The following GRIN2B variants were observed in gnomAD, a reference collection of about 807,000 sequenced individuals.
GRIN2B encodes the protein glutamate receptor ionotropic, NMDA 2B.
A neutral mutation model predicts 114.5 loss-of-function variants in GRIN2B; 5 were observed. That is an observed-to-expected ratio of 0.04 (90% CI 0.02 to 0.09). GRIN2B has a LOEUF of 0.09. Among genes scored for constraint, GRIN2B ranks in the 10% least tolerant of loss-of-function variants. The probability of loss-of-function intolerance (pLI) is 1.00; values close to 1 mark genes in which losing one functional copy is unlikely to be tolerated. For missense variants in GRIN2B, 1,108 were observed against 1,943.5 expected (o/e 0.57, Z 8.08); for synonymous variants, 787 against 745.1 (o/e 1.06, Z -0.92).
At chr12:13,887,621 T>TA (rs1191966160) in intron 2 of GRIN2B, among the ~76,000 whole-genome samples, 1 of 152,266 alleles carries the variant, frequency 6.6e-6, no homozygotes, top group African/African-American at 2.4e-5. Context: ...GACCTGCTTT[T>TA]AGAATGCTTT....
At chr12:13,929,815 C>T (rs219880) in intron 2 of GRIN2B, among the ~76,000 whole-genome samples, 143,631 of 152,314 alleles carry the variant, frequency 0.94, 67,933 homozygotes, top group East Asian at 1. Context: ...CCAGTAACAC[C>T]GGGTTACTGT....
At chr12:13,671,583 C>T (rs1407360574) in intron 5 of GRIN2B, among the ~76,000 whole-genome samples, 1 of 152,148 alleles carries the variant, frequency 6.6e-6, no homozygotes, top group Non-Finnish European at 1.5e-5. Context: ...GGGAGTTGGG[C>T]CTCCCTGACA....
At chr12:13,688,374 G>A (rs1950188657) in intron 4 of GRIN2B, among the ~76,000 whole-genome samples, 1 of 152,166 alleles carries the variant, frequency 6.6e-6, no homozygotes, top group East Asian at 1.9e-4. Flanking sequence ...CTACAGGAAA[G>A]TCAACTAAAC....
At chr12:13,774,320 A>G (rs749105088) in intron 3 of GRIN2B, among the ~76,000 whole-genome samples, 2 of 152,224 alleles carry the variant, frequency 1.3e-5, no homozygotes, top group Non-Finnish European at 1.5e-5. Flanking sequence ...AAAAAGTGAA[A>G]AAAATAGAAG....
intron 4 of GRIN2B, among the ~76,000 whole-genome samples, chr12:13,750,149 A>G (rs1048699566): frequency 6.6e-6 from 1 of 152,020 alleles, no homozygotes; most frequent in African/African-American, 2.4e-5. Context: ...TCTCTCTCTC[A>G]GTCTCTCTGC....
intron 2 of GRIN2B, among the ~76,000 whole-genome samples, chr12:13,889,155 A>G (rs764280786): frequency 3.9e-5 from 6 of 152,120 alleles, no homozygotes; most frequent in Non-Finnish European, 7.4e-5. Context: ...CTGAGACACA[A>G]ACATATACAT....
chr12:13,563,526 C>T lies in GRIN2B; in HGVS notation c.3712G>A (p.Ala1238Thr). Residue 1238 changes from alanine (A) to threonine (T), a missense_variant, in exon 14 of 14, where the codon GCG becomes ACG. Around this residue, in one of 19 missense-constraint regions of GRIN2B, gnomAD observed 478 missense variants for 506.0 expected, o/e 0.94. Transcript: ENST00000609686. ...TTGCAAGCCTCACACCGGATGCACGCCTGCCTGCCCGAGTTCTGACCCGTC... is the reference window on the plus strand; with the variant it reads ...TTGCAAGCCTCACACCGGATGCACGTCTGCCTGCCCGAGTTCTGACCCGTC... Reference protein sequence around the residue: ...TVTGQNSGRQACIRCEACKKA... With the variant: ...TVTGQNSGRQTCIRCEACKKA... 1 of 1,614,156 alleles carries T rather than the reference C, an allele frequency of 6.2e-7. No individual in the cohort carries two copies. Among genetic ancestry groups the T allele is most frequent in the African/African-American group, 1.3e-5 (1 of 75,042 alleles).
At chr12:13,652,558 T>C (rs1359718798) in intron 5 of GRIN2B, among the ~76,000 whole-genome samples, 1 of 151,906 alleles carries the variant, frequency 6.6e-6, no homozygotes, top group Non-Finnish European at 1.5e-5. Flanking sequence ...GAGGAAGGTA[T>C]GGTAGATTCA....
intron 3 of GRIN2B, among the ~76,000 whole-genome samples, chr12:13,777,791 G>T: frequency 6.6e-6 from 1 of 152,168 alleles, no homozygotes; most frequent in East Asian, 1.9e-4. Context: ...ACAAGCTACA[G>T]GTGCTCCTCC....
At chr12:13,946,207 A>C (rs898775107) in intron 2 of GRIN2B, among the ~76,000 whole-genome samples, 1 of 152,162 alleles carries the variant, frequency 6.6e-6, no homozygotes, top group Non-Finnish European at 1.5e-5. Context: ...TTTTAAGCTG[A>C]TACCTAATTT....
chr12:13,658,271 G>T (rs1409504139), intron 5 of GRIN2B, among the ~76,000 whole-genome samples: 1 of 151,526 alleles, frequency 6.6e-6, no homozygotes, highest in Non-Finnish European at 1.5e-5. Context: ...GGACTAAAAT[G>T]ATATAAATCA....
chr12:13,928,832 AAAAAGT>A (rs1182917727), intron 2 of GRIN2B, among the ~76,000 whole-genome samples: 2 of 152,264 alleles, frequency 1.3e-5, no homozygotes, highest in Admixed American at 1.3e-4. Context: ...AGGAATAGTT[AAAAAGT>A]AGTCAGTCAC....
intron 2 of GRIN2B, among the ~76,000 whole-genome samples, chr12:13,907,918 T>G (rs1045727893): frequency 6.6e-6 from 1 of 152,176 alleles, no homozygotes; most frequent in African/African-American, 2.4e-5. Context: ...GAATGGCATT[T>G]TACTTACTAC....
At chr12:13,575,574 G>C (rs1434730172) in intron 10 of GRIN2B, among the ~76,000 whole-genome samples, 2 of 152,046 alleles carry the variant, frequency 1.3e-5, no homozygotes, top group African/African-American at 4.8e-5. Flanking sequence ...TGTGAGGATT[G>C]CTTGAGCCCA....
At chr12:13,629,801 T>C (rs1306050922) in intron 5 of GRIN2B, among the ~76,000 whole-genome samples, 1 of 152,174 alleles carries the variant, frequency 6.6e-6, no homozygotes, top group Non-Finnish European at 1.5e-5. Context: ...TCTGAATGTC[T>C]TTACTCATGC....
chr12:13,667,442 CA>C (rs1467909026), intron 5 of GRIN2B, among the ~76,000 whole-genome samples: 3 of 151,386 alleles, frequency 2.0e-5, no homozygotes, highest in East Asian at 1.9e-4. Flanking sequence ...ACATTGGATA[CA>C]AAAAAAAGGG....
chr12:13,808,752 A>AATAT (rs10548365), intron 3 of GRIN2B, among the ~76,000 whole-genome samples: 9 of 109,898 alleles, frequency 8.2e-5, no homozygotes, highest in South Asian at 3.0e-4. Flanking sequence ...ATAAAAAAAA[A>AATAT]ATATATATAT....
chr12:13,700,607 A>G (rs966795295), intron 4 of GRIN2B, among the ~76,000 whole-genome samples: 1 of 152,150 alleles, frequency 6.6e-6, no homozygotes, highest in Non-Finnish European at 1.5e-5. Flanking sequence ...AAGAGAATTG[A>G]GTCCTGGTGA....
rs1286569952 is a variant in GRIN2B at position 13,541,375 on chromosome 12, T to C, written c.*21408A>G. 1 of 152,112 alleles carries C rather than the reference T, an allele frequency of 6.6e-6. No individual in the cohort carries two copies. The highest frequency in any genetic ancestry group is 1.5e-5 in the Non-Finnish European group (1 of 68,018). The allele number at this position is 152,112 out of a possible 1,614,324, so 9.4% of individuals were successfully genotyped here. A position where few individuals can be genotyped will look rare whatever the true frequency, so the allele number is the denominator to read the frequency against. ...CCCAGGTTACCCCATTAACCAGGGG[T>C]GGGAGCCAGTCTGAAGGAGGGGAGA... On this transcript the variant is annotated 3_prime_UTR_variant, in exon 14 of 14. Transcript: ENST00000609686.
Sources: allele counts gnomAD v4.1 joint callset (sites outside exome capture counted in the v4.1 genomes callset), GRCh38; gene constraint gnomAD v4.1.1; regional missense constraint gnomAD v4.1.1; transcripts MANE v1.5; gene names NCBI Gene and HGNC (gene_info 2026-07-23, HGNC 2026-07-21).